Variants in LRRC7 observed in about 807,000 individuals in gnomAD.
The protein encoded by LRRC7 is leucine rich repeat containing 7.
Under a neutral mutation model 175.7 loss-of-function variants are expected in LRRC7, and 23 were observed. The observed-to-expected ratio is 0.13, with a 90% CI of 0.09 to 0.19. LRRC7 has a LOEUF of 0.19. Among genes scored for constraint, LRRC7 ranks in the 10% least tolerant of loss-of-function variants. The probability of loss-of-function intolerance (pLI) is 1.00; values close to 1 mark genes in which losing one functional copy is unlikely to be tolerated. For synonymous variants in LRRC7, 685 were observed against 680.9 expected (o/e 1.01, Z -0.09); for missense variants, 1,354 against 1,904.7 (o/e 0.71, Z 5.38).
intron 1 of LRRC7, among the ~76,000 whole-genome samples, chr1:69,589,400 A>G (rs1264685662): frequency 1.3e-5 from 2 of 152,052 alleles, no homozygotes; most frequent in Non-Finnish European, 2.9e-5. Flanking sequence ...TCAGCACTTC[A>G]TGCTCACATC....
chr1:69,799,309 A>C (rs1676185319), intron 4 of LRRC7, among the ~76,000 whole-genome samples: 1 of 152,054 alleles, frequency 6.6e-6, no homozygotes, highest in Non-Finnish European at 1.5e-5. Context: ...CATCATCCAA[A>C]TAATGTACAT....
intron 7 of LRRC7, among the ~76,000 whole-genome samples, chr1:69,883,143 T>C (rs1240584628): frequency 6.6e-6 from 1 of 151,992 alleles, no homozygotes; most frequent in Non-Finnish European, 1.5e-5. Context: ...ATGGGATGGC[T>C]GGGTCAAATG....
intron 13 of LRRC7, among the ~76,000 whole-genome samples, chr1:70,016,065 A>G (rs1444812922): frequency 6.6e-6 from 1 of 152,214 alleles, no homozygotes; most frequent in African/African-American, 2.4e-5. Context: ...AGAAGATGGC[A>G]TTTAAGCTAA....
In LRRC7 at chr1:69,705,388, T is replaced by C. The variant is rs970822619; in HGVS notation, c.100+26910T>C. On this transcript the variant is annotated intron_variant, in intron 2 of 26. Coordinates refer to ENST00000651989, the MANE Select transcript of LRRC7 (RefSeq NM_001370785.2). Reference sequence around the variant, plus strand: ...TTCCATTAGCCAAAGTGAGTTGCATTGTCTAGCTAACATCATTGGGACAGG... The same window carrying C: ...TTCCATTAGCCAAAGTGAGTTGCATCGTCTAGCTAACATCATTGGGACAGG... Among the ~76,000 whole-genome samples the C allele has an allele frequency of 8.5e-5, 13 of 152,258 alleles. No homozygotes were observed. The East Asian group carries it at 2.3e-3, about 27-fold the overall frequency.
chr1:69,865,393 T>C (rs751332774), intron 7 of LRRC7, among the ~76,000 whole-genome samples: 23 of 148,032 alleles, frequency 1.6e-4, no homozygotes, highest in Non-Finnish European at 1.6e-4. Context: ...CCAACACTAA[T>C]AGGCACCAGA....
intron 7 of LRRC7, among the ~76,000 whole-genome samples, chr1:69,927,204 T>A (rs887184317): frequency 9.8e-5 from 15 of 152,344 alleles, no homozygotes; most frequent in African/African-American, 2.6e-4. Context: ...CTTCCCTTTG[T>A]GGGTAACCCG....
At chr1:69,717,770 AAAAGAAAGAAAGAAAGAAAGAAAG>A (rs754971717) in intron 2 of LRRC7, among the ~76,000 whole-genome samples, 748 of 42,376 alleles carry the variant, frequency 0.018, 92 homozygotes, top group Non-Finnish European at 0.024. Flanking sequence ...AAAAAAGAAA[AAAAGAAAGAAAGAAAGAAAGAAAG>A]AAAGAAAGAA....
chr1:69,790,970 G>A (rs1017749358), intron 3 of LRRC7, among the ~76,000 whole-genome samples: 3 of 151,890 alleles, frequency 2.0e-5, no homozygotes, highest in Admixed American at 2.0e-4. Context: ...AAGACATAAC[G>A]ACCATGTGCT....
chr1:69,769,479 C>A (rs537735827), intron 3 of LRRC7, among the ~76,000 whole-genome samples: 1 of 152,140 alleles, frequency 6.6e-6, no homozygotes. Context: ...AGGTCATAGT[C>A]AAAACTTAGT....
At chr1:70,023,440 G>A (rs1657731302) in intron 17 of LRRC7, 66 bp downstream of exon 17, 1 of 1,444,794 alleles carries the variant, frequency 6.9e-7, no homozygotes, top group African/African-American at 1.4e-5. Context: ...AGTGGTTTAT[G>A]GGGTATGTTC....
At chr1:69,811,059 A>G (rs1184126902) in intron 4 of LRRC7, among the ~76,000 whole-genome samples, 2 of 152,214 alleles carry the variant, frequency 1.3e-5, no homozygotes, top group Admixed American at 6.5e-5. Context: ...TCTATAAGGA[A>G]CTTAAACAAG....
In LRRC7 at chr1:69,749,703, T is replaced by C. The variant is rs146160480; in HGVS notation, c.101-10488T>C. Among the ~76,000 whole-genome samples, 554 of 152,078 alleles carry C rather than the reference T, an allele frequency of 3.6e-3. 4 individuals carry two copies. Among genetic ancestry groups the C allele is most frequent in the Non-Finnish European group, 3.5e-3 (238 of 67,980 alleles). On this transcript the variant is annotated intron_variant, in intron 2 of 26. Coordinates refer to ENST00000651989, the MANE Select transcript of LRRC7 (RefSeq NM_001370785.2). ...GTAGGGTTGACATAGATGAAGAAAA[T>C]AGATGAAAGATATTCAGTTTTGGGA...
At chr1:69,878,303 T>C (rs1464493319) in intron 7 of LRRC7, among the ~76,000 whole-genome samples, 1 of 151,550 alleles carries the variant, frequency 6.6e-6, no homozygotes, top group African/African-American at 2.4e-5. Flanking sequence ...AAGAATGCTC[T>C]TAAATAGTGA....
intron 1 of LRRC7, among the ~76,000 whole-genome samples, chr1:69,641,348 C>T (rs1333355927): frequency 6.6e-6 from 1 of 151,584 alleles, no homozygotes; most frequent in South Asian, 2.1e-4. Flanking sequence ...CTTCTATTTT[C>T]TTTTTATTAT....
intron 1 of LRRC7, among the ~76,000 whole-genome samples, chr1:69,621,928 C>A (rs1650681273): frequency 6.6e-6 from 1 of 152,118 alleles, no homozygotes. Flanking sequence ...AAAGCTTTAC[C>A]AGATTATTAT....
chr1:69,673,532 C>T (rs1034618893), intron 1 of LRRC7, among the ~76,000 whole-genome samples: 2 of 152,304 alleles, frequency 1.3e-5, no homozygotes, highest in South Asian at 4.1e-4. Flanking sequence ...AGCTCCTTTG[C>T]AGTGACCTGG....
chr1:69,820,422 G>C (rs190068627), intron 4 of LRRC7, among the ~76,000 whole-genome samples: 402 of 152,174 alleles, frequency 2.6e-3, no homozygotes, highest in Non-Finnish European at 4.6e-3. Context: ...AGAACATGCA[G>C]GTTTGTTATG....
chr1:69,824,267 A>G (rs567795614), intron 4 of LRRC7, among the ~76,000 whole-genome samples: 12 of 152,284 alleles, frequency 7.9e-5, no homozygotes, highest in Admixed American at 7.9e-4. Context: ...AGAAATTTAT[A>G]CTACTGTCCA....
At chr1:69,983,722 C>T (rs1238608140) in intron 9 of LRRC7, among the ~76,000 whole-genome samples, 1 of 152,176 alleles carries the variant, frequency 6.6e-6, no homozygotes, top group Non-Finnish European at 1.5e-5. Flanking sequence ...GACTTCATCA[C>T]AGCCCAACTT....
Sources: gnomAD v4.1 joint callset for allele counts (sites outside exome capture counted in the v4.1 genomes callset) on GRCh38, gnomAD v4.1.1 for gene constraint, MANE v1.5 for transcripts, NCBI Gene and HGNC (gene_info 2026-07-23, HGNC 2026-07-21) for gene names.